The following POMT1 variants were observed in gnomAD, a reference collection of about 807,000 sequenced individuals.
The protein encoded by POMT1 is protein O-mannosyltransferase 1, also known as protein O-mannosyl-transferase 1.
POMT1 carries 85 observed loss-of-function variants against 101.6 expected under a neutral mutation model. The observed-to-expected ratio is 0.84, with a 90% CI of 0.70 to 1.00. POMT1 has a LOEUF of 1.00. Ranked by LOEUF, POMT1 falls within the 50% of genes least tolerant of loss-of-function variation. The probability of loss-of-function intolerance (pLI) is 0.00; values close to 1 mark genes in which losing one functional copy is unlikely to be tolerated. For missense variants in POMT1, 857 were observed against 930.4 expected (o/e 0.92, Z 1.03); for synonymous variants, 371 against 383.0 (o/e 0.97, Z 0.37).
rs775365655 is a variant in POMT1 at position 131,521,348 on chromosome 9, T to C, written c.1701T>C (p.Ala567=). 21 of 1,614,178 alleles carry C rather than the reference T, an allele frequency of 1.3e-5. No individual in the cohort carries two copies. Among genetic ancestry groups the C allele is most frequent in the Non-Finnish European group, 1.7e-5 (20 of 1,180,028 alleles). The stretch of plus-strand genomic sequence containing the variant: ...CAGCATCTCCCATGTTCCCTTAGGC[T>C]CAGATCCACCTACTTGGAAACATAG... The part of the protein sequence containing the change: ...IAYWLHPRTS[A]QIHLLGNIVI... The change falls in exon 18 of 20, where the codon GCT becomes GCC. Residue 567 remains alanine (A), a splice_region_variant and synonymous_variant. Transcript: ENST00000402686.
intron 13 of POMT1, among the ~76,000 whole-genome samples, 172 bp downstream of exon 13, chr9:131,515,694 C>T (rs1297253026): frequency 4.0e-5 from 6 of 149,256 alleles, no homozygotes; most frequent in Non-Finnish European, 8.9e-5. Context: ...CAGGACACTT[C>T]CTCACACGGA....
chr9:131,522,338 C>G lies in POMT1; in HGVS notation c.2003+114C>G. The G allele has an allele frequency of 6.5e-7, 1 of 1,542,138 alleles. No homozygotes were observed. Among genetic ancestry groups the G allele is most frequent in the Non-Finnish European group, 8.7e-7 (1 of 1,147,544 alleles). On this transcript the variant is annotated intron_variant, in intron 19 of 19. Coordinates refer to ENST00000402686, the MANE Select transcript of POMT1 (RefSeq NM_001077365.2). This position sits in a 1 kb window ranked among gnomAD's most constrained non-coding sequence, Gnocchi z 5.5. ...CCTCACCCATTTCACGTTACACTGA[C>G]ATCCTCCGGGTCCCTCCGGGGAATG...
chr9:131,523,252 C>G lies in POMT1; in HGVS notation c.*146C>G, dbSNP rs1168417278. On this transcript the variant is annotated 3_prime_UTR_variant, in exon 20 of 20. Coordinates refer to ENST00000402686, the MANE Select transcript of POMT1 (RefSeq NM_001077365.2). ...GGCCTCTAGTGGAACACATGGGGGT[C>G]TCATTGAAAAGCTCTCTGATGAGCA... 2.0e-6 allele frequency: 2 copies of G among 977,948 alleles called. No individual in the cohort carries two copies. The highest frequency in any genetic ancestry group is 3.1e-6 in the Non-Finnish European group (2 of 650,568). The allele number at this position is 977,948 out of a possible 1,614,324, so 60.6% of individuals were successfully genotyped here. A position where few individuals can be genotyped will look rare whatever the true frequency, so the allele number is the denominator to read the frequency against.
intron 17 of POMT1, among the ~76,000 whole-genome samples, chr9:131,520,734 T>C (rs1011315800): frequency 6.6e-6 from 1 of 152,270 alleles, no homozygotes; most frequent in Non-Finnish European, 1.5e-5. Context: ...GAGCGCACTT[T>C]GCATTCTCCT....
chr9:131,517,207 A>C (rs377637680), intron 13 of POMT1, among the ~76,000 whole-genome samples: 39 of 148,510 alleles, frequency 2.6e-4, no homozygotes, highest in African/African-American at 8.9e-4. Flanking sequence ...GCCAGCCCTC[A>C]CAGCAAAGCC....
chr9:131,509,962 C>G lies in POMT1; in HGVS notation c.665C>G (p.Ala222Gly). ...GTGCTGGGTGTTGCAGCTGTCCATG[C>G]CTGGCACCTGCTTGGAGACCAGACT... The part of the protein sequence containing the change: ...VLVLGVAAVH[A>G]WHLLGDQTLS... Residue 222 changes from alanine to glycine, a missense_variant, in exon 8 of 20, where the codon GCC (alanine) becomes GGC (glycine). Physicochemically the swap from Ala to Gly is moderately conservative, Grantham distance 60. Transcript: ENST00000402686. 6.2e-7 allele frequency: 1 copy of G among 1,614,234 alleles called. No homozygotes were observed. Among genetic ancestry groups the G allele is most frequent in the Non-Finnish European group, 8.5e-7 (1 of 1,180,038 alleles).
chr9:131,510,214 G>T (rs777476782), intron 8 of POMT1, 46 bp from the exon 9 acceptor site: 1 of 1,613,604 alleles, frequency 6.2e-7, no homozygotes, highest in South Asian at 1.1e-5. Flanking sequence ...AGGTGGGTAC[G>T]CTTTTCCACG....
At chr9:131,521,981 A>G in intron 18 of POMT1, 66 bp from the exon 19 acceptor site, 3 of 1,607,728 alleles carry the variant, frequency 1.9e-6, no homozygotes, top group Non-Finnish European at 8.5e-7. Context: ...CTAAAAAAGC[A>G]AAAGAGAGAG....
intron 10 of POMT1, 172 bp from the exon 11 acceptor site, chr9:131,511,869 C>A: frequency 1.4e-6 from 1 of 701,214 alleles, no homozygotes; most frequent in Non-Finnish European, 2.4e-6. Flanking sequence ...CGTTTCTTTC[C>A]CTTTCTTTTC....
At chr9:131,511,557 A>G (rs1285982066) in intron 10 of POMT1, 90 bp downstream of exon 10, 7 of 1,561,234 alleles carry the variant, frequency 4.5e-6, no homozygotes, top group South Asian at 1.1e-5. Flanking sequence ...TCTTTGAGGA[A>G]GTTTGTTTGC....
intron 9 of POMT1, chr9:131,510,994 T>G: frequency 3.7e-6 from 1 of 273,228 alleles, no homozygotes. Context: ...TAGTGCTGTG[T>G]GTTTCAGCAA....
rs1054239530 is a variant in POMT1 at position 131,508,989 on chromosome 9, C to T, written c.506C>T (p.Ser169Phe). 7 of 1,613,502 alleles carry T rather than the reference C, an allele frequency of 4.3e-6. No homozygotes were observed. The highest frequency in any genetic ancestry group is 1.3e-5 in the African/African-American group (1 of 74,892). The change falls in exon 6 of 20, where the codon TCC (serine) becomes TTC (phenylalanine). Residue 169 changes from serine to phenylalanine, a missense_variant. Transcript: ENST00000402686. The stretch of plus-strand genomic sequence containing the variant: ...TTTTTCAATCTATTGGCCGTGTTGT[C>T]CTACCTGAAGTTCTTCAACTGCCAA... ...LIFFNLLAVL[S>F]YLKFFNCQKH...
intron 16 of POMT1, 31 bp from the exon 17 acceptor site, chr9:131,520,049 C>T (rs1225660740): frequency 3.2e-6 from 5 of 1,582,000 alleles, no homozygotes; most frequent in Non-Finnish European, 4.3e-6. Context: ...ATCCCCCATC[C>T]TCAATCTCAG....
At chr9:131,515,256 G>A (rs1418006680) in intron 12 of POMT1, among the ~76,000 whole-genome samples, 170 bp from the exon 13 acceptor site, 2 of 152,182 alleles carry the variant, frequency 1.3e-5, no homozygotes, top group African/African-American at 2.4e-5. Flanking sequence ...TCCCATCGCC[G>A]AGCCTCAAGA....
intron 14 of POMT1, 58 bp downstream of exon 14, chr9:131,518,595 C>T (rs1484862745): frequency 6.6e-7 from 1 of 1,520,050 alleles, no homozygotes; most frequent in Non-Finnish European, 9.1e-7. Context: ...GTCTGTTTCC[C>T]AAGCCCCTCA....
intron 4 of POMT1, 39 bp downstream of exon 4, chr9:131,506,492 G>A: frequency 6.4e-7 from 1 of 1,562,798 alleles, no homozygotes; most frequent in African/African-American, 1.4e-5. Flanking sequence ...ATGTGCGCAG[G>A]TTAGAATGAA....
intron 2 of POMT1, among the ~76,000 whole-genome samples, 200 bp downstream of exon 2, chr9:131,504,540 G>GT (rs575298345): frequency 4.7e-4 from 72 of 152,220 alleles, no homozygotes; most frequent in Non-Finnish European, 8.1e-4. Flanking sequence ...TTCTGAGTCT[G>GT]TAACAGGTGA....
At position 131,519,427 on chromosome 9, in the gene POMT1, C is replaced by G. The variant is rs140398617; in HGVS notation, c.1525C>G (p.Pro509Ala). 6.4e-6 allele frequency: 10 copies of G among 1,551,926 alleles called. No individual in the cohort carries two copies. The highest frequency in any genetic ancestry group is 1.4e-5 in the African/African-American group (1 of 73,132). The change falls in exon 16 of 20, where the codon CCT becomes GCT. Residue 509 changes from proline (P) to alanine (A), a missense_variant. Coordinates refer to ENST00000402686, the MANE Select transcript of POMT1 (RefSeq NM_001077365.2). This position sits in a 1 kb window ranked among gnomAD's most constrained non-coding sequence, Gnocchi z 4.3. Reference protein sequence around the residue: ...QRERERELHSPAQVDVSRNLS... With the variant: ...QRERERELHSAAQVDVSRNLS... ...GGAGCGGGAACGGGAGCTGCACTCA[C>G]CTGCGCAGGTGGACGTCAGCAGGAA...
At chr9:131,518,778 G>T in intron 14 of POMT1, 59 bp from the exon 15 acceptor site, 1 of 1,613,504 alleles carries the variant, frequency 6.2e-7, no homozygotes, top group South Asian at 1.1e-5. Context: ...TCCAACCCAA[G>T]TGGACACGGG....
Sources: allele counts gnomAD v4.1 joint callset (sites outside exome capture counted in the v4.1 genomes callset), GRCh38; gene constraint gnomAD v4.1.1; non-coding constraint Gnocchi (gnomAD v3.1); transcripts MANE v1.5; gene names NCBI Gene and HGNC (gene_info 2026-07-23, HGNC 2026-07-21).